The following TMEM178B variants were observed in gnomAD, a reference collection of about 807,000 sequenced individuals.
TMEM178B encodes transmembrane protein 178B.
Under a neutral mutation model 31.0 loss-of-function variants are expected in TMEM178B, and 5 were observed. The ratio of observed to expected loss-of-function variants is 0.16; its 90% CI spans 0.08 to 0.34. The LOEUF is 0.34. Ranked by LOEUF, TMEM178B falls within the 10% of genes least tolerant of loss-of-function variation. The pLI is 1.00. For synonymous variants in TMEM178B, 164 were observed against 164.0 expected, an observed-to-expected ratio of 1.00 and a Z score of 0.00; for missense variants, 275 against 400.3, an observed-to-expected ratio of 0.69 and a Z score of 2.67.
At chr7:141,415,618 TC>T (rs1320103322) in intron 2 of TMEM178B, among the ~76,000 whole-genome samples, 2 of 152,206 alleles carry the variant, frequency 1.3e-5, no homozygotes, top group African/African-American at 4.8e-5. Context: ...AGAGGCAAAA[TC>T]AGGTGAACTT....
At chr7:141,162,104 G>T (rs557359622) in intron 1 of TMEM178B, among the ~76,000 whole-genome samples, 1 of 152,124 alleles carries the variant, frequency 6.6e-6, no homozygotes, top group African/African-American at 2.4e-5. Context: ...CACCTGCAGG[G>T]CTTGGCCAGC....
At chr7:141,260,905 A>C (rs1798002590) in intron 2 of TMEM178B, among the ~76,000 whole-genome samples, 1 of 152,216 alleles carries the variant, frequency 6.6e-6, no homozygotes, top group South Asian at 2.1e-4. Flanking sequence ...TTCCATTGGA[A>C]AATTACAGAA....
intron 1 of TMEM178B, among the ~76,000 whole-genome samples, chr7:141,087,858 T>C (rs891588643): frequency 1.3e-5 from 2 of 152,184 alleles, no homozygotes; most frequent in African/African-American, 4.8e-5. Flanking sequence ...CTCAGAATTA[T>C]AGCAAGAACT....
Position 141,471,409 on chromosome 7 carries a change from T to A in TMEM178B, c.*623T>A, listed in dbSNP as rs1004908739. 2.0e-5 allele frequency: 3 copies of A among 152,138 alleles called. No individual in the cohort carries two copies. Among genetic ancestry groups the A allele is most frequent in the Non-Finnish European group, 4.4e-5 (3 of 68,038 alleles). The allele number at this position is 152,138 out of a possible 1,614,324, so 9.4% of individuals were successfully genotyped here. A position where few individuals can be genotyped will look rare whatever the true frequency, so the allele number is the denominator to read the frequency against. ...GAAGAGAACATGCTGAGAGGCAAGA[T>A]CTGCATCAATGAAAGGACGCTTCGG... On this transcript the variant is annotated 3_prime_UTR_variant, in exon 4 of 4. Coordinates refer to ENST00000565468, the MANE Select transcript of TMEM178B (RefSeq NM_001195278.2). This position sits in a 1 kb window ranked among gnomAD's most constrained non-coding sequence, Gnocchi z 4.1.
chr7:141,201,218 A>G (rs2129186307), intron 1 of TMEM178B, among the ~76,000 whole-genome samples: 1 of 152,336 alleles, frequency 6.6e-6, no homozygotes, highest in East Asian at 1.9e-4. Flanking sequence ...AGAGGAGGCC[A>G]GGCCACATGG....
chr7:141,159,268 A>G (rs1796127093), intron 1 of TMEM178B, among the ~76,000 whole-genome samples: 1 of 152,142 alleles, frequency 6.6e-6, no homozygotes, highest in African/African-American at 2.4e-5. Context: ...TGTGTTACCA[A>G]GCCAGAGGGA....
chr7:141,091,853 G>C (rs1206262197), intron 1 of TMEM178B, among the ~76,000 whole-genome samples: 1 of 152,026 alleles, frequency 6.6e-6, no homozygotes, highest in East Asian at 1.9e-4. Context: ...TCAACCTCCT[G>C]AGTAGCTGAG....
chr7:141,289,587 T>C (rs889109366), intron 2 of TMEM178B, among the ~76,000 whole-genome samples: 3 of 151,908 alleles, frequency 2.0e-5, no homozygotes, highest in Non-Finnish European at 2.9e-5. Flanking sequence ...TGATGGCATG[T>C]GCCTGTAATC....
intron 1 of TMEM178B, among the ~76,000 whole-genome samples, chr7:141,089,170 T>C (rs974603372): frequency 1.1e-4 from 17 of 152,174 alleles, no homozygotes; most frequent in Non-Finnish European, 2.4e-4. Flanking sequence ...AAAGAATGTA[T>C]GTTTGGTGTG....
intron 2 of TMEM178B, among the ~76,000 whole-genome samples, chr7:141,299,784 C>T (rs931841960): frequency 6.6e-6 from 1 of 151,898 alleles, no homozygotes; most frequent in African/African-American, 2.4e-5. Context: ...AGAGTGACTT[C>T]TTTTATTTGT....
chr7:141,184,909 A>G (rs756443534), intron 1 of TMEM178B, among the ~76,000 whole-genome samples: 3 of 152,184 alleles, frequency 2.0e-5, no homozygotes, highest in African/African-American at 7.2e-5. Context: ...TAGACTTTAG[A>G]TATTCTGAAT....
chr7:141,342,706 T>C (rs1331398925), intron 2 of TMEM178B, among the ~76,000 whole-genome samples: 1 of 152,226 alleles, frequency 6.6e-6, no homozygotes, highest in Non-Finnish European at 1.5e-5. Flanking sequence ...TCTTCTCACA[T>C]ACGGATAACT....
the TMEM178B span, among the ~76,000 whole-genome samples, chr7:141,493,701 CT>C: frequency 1.3e-5 from 2 of 152,218 alleles, no homozygotes; most frequent in Admixed American, 6.5e-5. Flanking sequence ...GCAATGGTCT[CT>C]TTTTTTCATC....
chr7:141,127,548 C>G (rs1458236726), intron 1 of TMEM178B, among the ~76,000 whole-genome samples: 1 of 152,096 alleles, frequency 6.6e-6, no homozygotes, highest in Non-Finnish European at 1.5e-5. Context: ...GTTGGAGCAC[C>G]AAAGATACTG....
chr7:141,421,810 C>T (rs906368092), intron 2 of TMEM178B, among the ~76,000 whole-genome samples: 2 of 151,800 alleles, frequency 1.3e-5, no homozygotes, highest in South Asian at 2.1e-4. Context: ...CATCTGTAAA[C>T]AATTTATTTA....
intron 2 of TMEM178B, among the ~76,000 whole-genome samples, chr7:141,292,821 A>G (rs1265041692): frequency 6.6e-6 from 1 of 151,752 alleles, no homozygotes; most frequent in Non-Finnish European, 1.5e-5. Context: ...TATTTTTAGT[A>G]GAGATGGTGT....
At chr7:141,142,917 G>C (rs947190343) in intron 1 of TMEM178B, among the ~76,000 whole-genome samples, 1 of 152,200 alleles carries the variant, frequency 6.6e-6, no homozygotes, top group Non-Finnish European at 1.5e-5. Context: ...TAGCCATTCT[G>C]AGTGGTGTGA....
intron 3 of TMEM178B, among the ~76,000 whole-genome samples, chr7:141,443,702 T>C (rs763755002): frequency 1.3e-5 from 2 of 152,220 alleles, no homozygotes; most frequent in Admixed American, 6.5e-5. Context: ...AGTCACCACA[T>C]GCAGCCCACG....
intron 1 of TMEM178B, among the ~76,000 whole-genome samples, chr7:141,133,096 G>A (rs1348464375): frequency 1.3e-5 from 2 of 151,962 alleles, no homozygotes; most frequent in Non-Finnish European, 2.9e-5. Context: ...CTTTCCCTAT[G>A]AAAGCCAATT....
Sources: allele counts gnomAD v4.1 joint callset (sites outside exome capture counted in the v4.1 genomes callset), GRCh38; gene constraint gnomAD v4.1.1; non-coding constraint Gnocchi (gnomAD v3.1); transcripts MANE v1.5; gene names NCBI Gene and HGNC (gene_info 2026-07-23, HGNC 2026-07-21).